Variants in SDHC observed in about 807,000 individuals in gnomAD.
SDHC encodes succinate dehydrogenase cytochrome b560 subunit, mitochondrial.
Under a neutral mutation model 22.6 loss-of-function variants are expected in SDHC, and 11 were observed. That is an observed-to-expected ratio of 0.49 (90% CI 0.31 to 0.81). SDHC has a LOEUF of 0.81. SDHC is among the 30% of genes least tolerant of loss of function. The pLI is 0.05. For missense variants in SDHC, 160 were observed against 212.0 expected, an observed-to-expected ratio of 0.75 and a Z score of 1.52; for synonymous variants, 80 against 77.8, an observed-to-expected ratio of 1.03 and a Z score of -0.15.
At chr1:161,319,689 C>G (rs1376893221) in intron 1 of SDHC, among the ~76,000 whole-genome samples, 1 of 152,138 alleles carries the variant, frequency 6.6e-6, no homozygotes, top group Admixed American at 6.5e-5. Flanking sequence ...TCAAGTGACC[C>G]ACCCACCTTG....
intron 5 of SDHC, among the ~76,000 whole-genome samples, chr1:161,359,771 C>T (rs1022469449): frequency 1.3e-5 from 2 of 152,194 alleles, no homozygotes; most frequent in East Asian, 1.9e-4. Flanking sequence ...TGACAGTCTG[C>T]AGTTTTTGGC....
Position 161,356,786 on chromosome 1 carries a change from G to A in SDHC, c.351G>A (p.Lys117=), listed in dbSNP as rs1571890344. Residue 117 remains lysine, a synonymous_variant, in exon 5 of 6, where the codon AAG becomes AAA. Coordinates refer to ENST00000367975, the MANE Select transcript of SDHC (RefSeq NM_003001.5). ...GGCCAGCACTGATCCACACAGCTAA[G>A]TTTGCACTTGTCTTCCCTCTCATGT... ...CLGPALIHTA[K]FALVFPLMYH... 3 of 1,614,154 alleles carry A rather than the reference G, an allele frequency of 1.9e-6. No homozygotes were observed. Among genetic ancestry groups the A allele is most frequent in the Admixed American group, 3.3e-5 (2 of 60,018 alleles).
At chr1:161,324,290 T>G (rs1302815469) in intron 2 of SDHC, among the ~76,000 whole-genome samples, 1 of 152,138 alleles carries the variant, frequency 6.6e-6, no homozygotes, top group Non-Finnish European at 1.5e-5. Flanking sequence ...TTGTATATTT[T>G]GTAGAGACGA....
At chr1:161,352,509 G>A (rs1429930982) in intron 4 of SDHC, among the ~76,000 whole-genome samples, 9 of 152,016 alleles carry the variant, frequency 5.9e-5, no homozygotes, top group African/African-American at 7.3e-5. Context: ...CCATAATCCC[G>A]CCAGTCAGAA....
intron 3 of SDHC, among the ~76,000 whole-genome samples, chr1:161,332,189 G>A (rs1671302457): frequency 6.6e-6 from 1 of 152,066 alleles, no homozygotes; most frequent in South Asian, 2.1e-4. Flanking sequence ...TACCCAGGCT[G>A]GTCTTGAACC....
At chr1:161,356,655 A>G (rs777769141) in intron 4 of SDHC, 22 bp from the exon 5 acceptor site, 6 of 1,613,190 alleles carry the variant, frequency 3.7e-6, no homozygotes, top group Non-Finnish European at 5.1e-6. Context: ...AGCTGTGACA[A>G]GCTACTTGGT....
At chr1:161,340,249 A>G (rs1671672373) in intron 3 of SDHC, among the ~76,000 whole-genome samples, 1 of 152,102 alleles carries the variant, frequency 6.6e-6, no homozygotes, top group South Asian at 2.1e-4. Flanking sequence ...AGACTGTGGC[A>G]TGGGACTCCA....
chr1:161,319,314 G>A (rs1039179065), intron 1 of SDHC, among the ~76,000 whole-genome samples: 1 of 152,052 alleles, frequency 6.6e-6, no homozygotes, highest in Non-Finnish European at 1.5e-5. Context: ...CTAGCAGGGA[G>A]ATAAATAGAT....
chr1:161,340,878 C>G (rs1671696843), intron 4 of SDHC, among the ~76,000 whole-genome samples: 1 of 152,146 alleles, frequency 6.6e-6, no homozygotes, highest in South Asian at 2.1e-4. Context: ...GAGTCTTGCT[C>G]TTTTGCCCAG....
At chr1:161,314,709 T>C (rs1670540970) in intron 1 of SDHC, 1 of 530,290 alleles carries the variant, frequency 1.9e-6, no homozygotes, top group Non-Finnish European at 3.4e-6. Flanking sequence ...CGCAAATTGC[T>C]CTCGGGCCTG....
At chr1:161,340,721 C>G (rs1383765377) in intron 4 of SDHC, 66 bp downstream of exon 4, 6 of 1,217,320 alleles carry the variant, frequency 4.9e-6, no homozygotes, top group Non-Finnish European at 7.3e-6. Flanking sequence ...TTCATTGGCC[C>G]TAGTCTCCGC....
rs1558161065 is a variant in SDHC, at chr1:161,317,550, G to GGT, written c.20+3125_20+3126insGT. On this transcript the variant is annotated intron_variant, in intron 1 of 5. Transcript: ENST00000367975. ...GGTTTTGTGTGTGTGTGTGTGTGTGGTTTTTTTTTTTTTTTTTTTTTTTTT... is the reference window on the plus strand; with the variant it reads ...GGTTTTGTGTGTGTGTGTGTGTGTGGGTTTTTTTTTTTTTTTTTTTTTTTTTT... Among the ~76,000 whole-genome samples, 108 of 59,922 alleles carry GGT rather than the reference G, an allele frequency of 1.8e-3. 6 individuals are homozygous for GGT. The highest frequency in any genetic ancestry group is 9.9e-3 in the African/African-American group (101 of 10,156). 39.3% of individuals were successfully genotyped at this position (59,922 alleles called of 152,430 possible).
chr1:161,314,698 A>G (rs1670539888), intron 1 of SDHC: 1 of 541,956 alleles, frequency 1.8e-6, no homozygotes, highest in African/African-American at 1.9e-5. Flanking sequence ...AGTACTTCTA[A>G]CGCAAATTGC....
rs771512756 is a variant in SDHC, at chr1:161,362,403, G to A, written c.480G>A (p.Val160=). 1 of 1,612,772 alleles carries A rather than the reference G, an allele frequency of 6.2e-7. No individual in the cohort carries two copies. Among genetic ancestry groups the A allele is most frequent in the South Asian group, 1.1e-5 (1 of 91,006 alleles). ...GAGTGGTTGTCCTGGTTCTTACTGT[G>A]TTGTCCTCTATGGGGCTGGCAGCCA... is the stretch of plus-strand genomic sequence containing the variant. The part of the protein sequence containing the change: ...QSGVVVLVLT[V]LSSMGLAAM Residue 160 remains valine (V), a synonymous_variant, in exon 6 of 6, where the codon GTG becomes GTA. Coordinates refer to ENST00000367975, the MANE Select transcript of SDHC (RefSeq NM_003001.5).
Position 161,362,559 on chromosome 1 carries a change from A to T in SDHC, c.*126A>T. On this transcript the variant is annotated 3_prime_UTR_variant, in exon 6 of 6. Transcript: ENST00000367975. ...TGTTTAGATCCTTTTGTATTTTCAG[A>T]TCTCCTTGGAGCAGTAGAGTACCTG... 2 of 1,608,216 alleles carry T rather than the reference A, an allele frequency of 1.2e-6. No individual in the cohort carries two copies. The highest frequency in any genetic ancestry group is 1.7e-6 in the Non-Finnish European group (2 of 1,177,540).
chr1:161,338,045 T>G (rs1382601801), intron 3 of SDHC, among the ~76,000 whole-genome samples: 2 of 152,274 alleles, frequency 1.3e-5, no homozygotes, highest in Admixed American at 1.3e-4. Context: ...TCTTTTTTGT[T>G]GTCCTTGAAA....
intron 1 of SDHC, among the ~76,000 whole-genome samples, chr1:161,316,133 A>G (rs1210610144): frequency 2.6e-5 from 4 of 152,076 alleles, no homozygotes; most frequent in Non-Finnish European, 5.9e-5. Flanking sequence ...GAGACATTCC[A>G]TTGCCCAGGG....
chr1:161,317,486 G>A (rs1339787139), intron 1 of SDHC, among the ~76,000 whole-genome samples: 1 of 146,394 alleles, frequency 6.8e-6, no homozygotes, highest in Non-Finnish European at 1.5e-5. Context: ...GGGAACACTT[G>A]AAATCTATTC....
chr1:161,354,141 A>G (rs1249539782), intron 4 of SDHC, among the ~76,000 whole-genome samples: 1 of 152,110 alleles, frequency 6.6e-6, no homozygotes, highest in Non-Finnish European at 1.5e-5. Flanking sequence ...ATGAGCCACC[A>G]TACCCAGCCA....
Sources: allele counts gnomAD v4.1 joint callset (sites outside exome capture counted in the v4.1 genomes callset), GRCh38; gene constraint gnomAD v4.1.1; transcripts MANE v1.5; gene names NCBI Gene and HGNC (gene_info 2026-07-23, HGNC 2026-07-21).